Variants in HINT3 observed in about 807,000 individuals in gnomAD.
HINT3 encodes histidine triad nucleotide binding protein 3.
In HINT3, 16 loss-of-function variants were observed where a neutral mutation model predicts 19.1. The observed-to-expected ratio is 0.84, with a 90% confidence interval of 0.57 to 1.27. The LOEUF is 1.27. Among genes scored for constraint, HINT3 ranks in the 50% most tolerant of loss-of-function variants. The pLI is 0.00. For missense variants in HINT3, 197 were observed against 225.8 expected (o/e 0.87, Z 0.82); for synonymous variants, 75 against 84.8 (o/e 0.88, Z 0.63).
rs1037076969 is a variant in HINT3 at position 125,964,659 on chromosome 6, C to T, written c.202-2228C>T. ...ATTTGCCATAATTTATTAAACCAGT[C>T]GCCCAGCTGCATTATGAATGTTTGG... On this transcript the variant is annotated intron_variant, in intron 1 of 4. Transcript: ENST00000229633. 7.2e-5 allele frequency among the ~76,000 whole-genome samples: 11 copies of T among 152,038 alleles called. No individual in the cohort carries two copies. In the South Asian group the frequency reaches 8.3e-4, roughly 12 times the overall value.
At position 125,978,030 on chromosome 6, in the gene HINT3, G is replaced by T. The variant is rs1287238530; in HGVS notation, c.*354G>T. On this transcript the variant is annotated 3_prime_UTR_variant, in exon 5 of 5. Coordinates refer to ENST00000229633, the MANE Select transcript of HINT3 (RefSeq NM_138571.5). ...TCAGTTATAATAGTGATTTATTTAT[G>T]AAGAATAAACTACTATAGAAAGTAC... 4.2e-5 allele frequency: 7 copies of T among 166,526 alleles called. No homozygotes were observed. Among genetic ancestry groups the T allele is most frequent in the Non-Finnish European group, 9.0e-5 (7 of 78,082 alleles). The allele number at this position is 166,526 out of a possible 1,614,324, so 10.3% of individuals were successfully genotyped here.
At position 125,962,312 on chromosome 6, in the gene HINT3, C is replaced by CATAT. The variant is rs766700449; in HGVS notation, c.202-4560_202-4557dup. 4.6e-5 allele frequency among the ~76,000 whole-genome samples: 2 copies of CATAT among 43,886 alleles called. 1 individual carries two copies. The highest frequency in any genetic ancestry group is 7.7e-5 in the Non-Finnish European group (2 of 26,092). 28.8% of individuals were successfully genotyped at this position (43,886 alleles called of 152,430 possible). Reference sequence around the variant, plus strand: ...CACATATATATATATATATATCACACATATATATATATATATATCACACAC... The same window carrying CATAT: ...CACATATATATATATATATATCACACATATATATATATATATATATATCACACAC... On this transcript the variant is annotated intron_variant, in intron 1 of 4. Coordinates refer to ENST00000229633, the MANE Select transcript of HINT3 (RefSeq NM_138571.5).
At chr6:125,963,293 TAAAG>T (rs1788970824) in intron 1 of HINT3, among the ~76,000 whole-genome samples, 3 of 152,168 alleles carry the variant, frequency 2.0e-5, no homozygotes, top group Admixed American at 6.5e-5. Context: ...GGGAGAAAGA[TAAAG>T]AAAACCTGTC....
At chr6:125,960,274 A>C (rs1170008707) in intron 1 of HINT3, among the ~76,000 whole-genome samples, 2 of 152,188 alleles carry the variant, frequency 1.3e-5, no homozygotes, top group African/African-American at 4.8e-5. Flanking sequence ...GCAGCAGCCA[A>C]AGGCTGAGAT....
rs555903589 is a variant in HINT3 at position 125,971,275 on chromosome 6, C to G, written c.320-984C>G. Reference sequence around the variant, plus strand: ...GGCTGACTGGAAGGGATACCATATCCTTAATTTGGGCTCAAAGACAAATTC... The same window carrying G: ...GGCTGACTGGAAGGGATACCATATCGTTAATTTGGGCTCAAAGACAAATTC... On this transcript the variant is annotated intron_variant, in intron 2 of 4. Transcript: ENST00000229633. Among the ~76,000 whole-genome samples, 3 of 152,282 alleles carry G rather than the reference C, an allele frequency of 2.0e-5. No individual in the cohort carries two copies. In the South Asian group the frequency reaches 6.2e-4, roughly 32 times the overall value.
At chr6:125,958,980 A>G (rs1391236139) in intron 1 of HINT3, among the ~76,000 whole-genome samples, 1 of 152,160 alleles carries the variant, frequency 6.6e-6, no homozygotes, top group African/African-American at 2.4e-5. Flanking sequence ...GCTAGGGTAA[A>G]CTAGTAGTGG....
intron 2 of HINT3, among the ~76,000 whole-genome samples, chr6:125,971,116 G>A (rs1485501721): frequency 1.3e-5 from 2 of 152,142 alleles, no homozygotes; most frequent in Non-Finnish European, 2.9e-5. Context: ...GAAGATCCCA[G>A]GTGACCAAAA....
intron 3 of HINT3, among the ~76,000 whole-genome samples, chr6:125,973,520 C>G (rs1789139212): frequency 6.6e-6 from 1 of 152,122 alleles, no homozygotes; most frequent in Non-Finnish European, 1.5e-5. Context: ...AATTCTAATG[C>G]CATCCATGCT....
At chr6:125,962,828 T>G (rs1788962697) in intron 1 of HINT3, among the ~76,000 whole-genome samples, 1 of 152,064 alleles carries the variant, frequency 6.6e-6, no homozygotes, top group South Asian at 2.1e-4. Flanking sequence ...TTGGTGGTGG[T>G]GGGGCAATAT....
chr6:125,956,781 G>GCCGGTTTTGAGGCCGGCCT lies in HINT3; in HGVS notation c.-192_-174dup. 4 of 631,006 alleles carry GCCGGTTTTGAGGCCGGCCT rather than the reference G, an allele frequency of 6.3e-6. No individual in the cohort carries two copies. The highest frequency in any genetic ancestry group is 4.0e-5 in the South Asian group (2 of 50,370). The allele number at this position is 631,006 out of a possible 1,614,324, so 39.1% of individuals were successfully genotyped here. On this transcript the variant is annotated 5_prime_UTR_variant, in exon 1 of 5. Coordinates refer to ENST00000229633, the MANE Select transcript of HINT3 (RefSeq NM_138571.5). ...CGCCATTGCGCGCCCTCTAGTGGCAGCCGGTTTTGAGGCCGGCCTCCGGCT... is the reference window on the plus strand; with the variant it reads ...CGCCATTGCGCGCCCTCTAGTGGCAGCCGGTTTTGAGGCCGGCCTCCGGTTTTGAGGCCGGCCTCCGGCT...
rs967458841 is a variant in HINT3, at chr6:125,960,673, A to T, written c.201+3495A>T. Reference sequence around the variant, plus strand: ...CTCTCTCTGGGGGGGGGGAAAAAAAAAGAAGTTAGGGCAAGCAAGTGGCTG... The same window carrying T: ...CTCTCTCTGGGGGGGGGGAAAAAAATAGAAGTTAGGGCAAGCAAGTGGCTG... On this transcript the variant is annotated intron_variant, in intron 1 of 4. Coordinates refer to ENST00000229633, the MANE Select transcript of HINT3 (RefSeq NM_138571.5). Among the ~76,000 whole-genome samples the T allele has an allele frequency of 3.0e-5, 4 of 135,032 alleles. 1 individual carries two copies. Among genetic ancestry groups the T allele is most frequent in the Admixed American group, 2.4e-4 (3 of 12,672 alleles). 88.6% of individuals were successfully genotyped at this position (135,032 alleles called of 152,430 possible).
chr6:125,967,039 A>AT lies in HINT3; in HGVS notation c.319+39dup, dbSNP rs778183165. 3 of 1,309,232 alleles carry AT rather than the reference A, an allele frequency of 2.3e-6. No homozygotes were observed. The South Asian group carries it at 3.7e-5, about 16-fold the overall frequency. The allele number at this position is 1,309,232 out of a possible 1,614,324, so 81.1% of individuals were successfully genotyped here. On this transcript the variant is annotated intron_variant, in intron 2 of 4. Coordinates refer to ENST00000229633, the MANE Select transcript of HINT3 (RefSeq NM_138571.5). Reference sequence around the variant, plus strand: ...TGGCAGTATTCTTCATGTTTATATCATTTTCAGTTGGTATCAGTGATGGCA... The same window carrying AT: ...TGGCAGTATTCTTCATGTTTATATCATTTTTCAGTTGGTATCAGTGATGGCA...
intron 4 of HINT3, among the ~76,000 whole-genome samples, chr6:125,976,647 G>T (rs1789183230): frequency 6.9e-6 from 1 of 145,906 alleles, no homozygotes; most frequent in African/African-American, 2.5e-5. Context: ...GTAATGTTTT[G>T]ACTGTATTTT....
chr6:125,964,449 G>A (rs879535448), intron 1 of HINT3, among the ~76,000 whole-genome samples: 7 of 151,958 alleles, frequency 4.6e-5, no homozygotes, highest in African/African-American at 1.7e-4. Flanking sequence ...CTTCCATTGT[G>A]AGTAAATAGG....
At chr6:125,962,340 A>G (rs1318747776) in intron 1 of HINT3, among the ~76,000 whole-genome samples, 2 of 141,630 alleles carry the variant, frequency 1.4e-5, no homozygotes, top group Non-Finnish European at 3.0e-5. Flanking sequence ...TCACACACAC[A>G]TAACCGTATA....
rs1244389220 is a variant in HINT3, at chr6:125,979,585, C to T, written c.*1909C>T. On this transcript the variant is annotated 3_prime_UTR_variant, in exon 5 of 5. Coordinates refer to ENST00000229633, the MANE Select transcript of HINT3 (RefSeq NM_138571.5). ...TGGCCAATATGGTGAAACCCCGTCT[C>T]TTCTAAAAAAATACAAAAATTAGCC... The T allele has an allele frequency of 1.3e-5, 2 of 152,144 alleles. No homozygotes were observed. The highest frequency in any genetic ancestry group is 4.8e-5 in the African/African-American group (2 of 41,404). The allele number at this position is 152,144 out of a possible 1,614,324, so 9.4% of individuals were successfully genotyped here. A position where few individuals can be genotyped will look rare whatever the true frequency, so the allele number is the denominator to read the frequency against.
intron 1 of HINT3, among the ~76,000 whole-genome samples, chr6:125,965,364 G>A (rs760085749): frequency 6.6e-6 from 1 of 152,060 alleles, no homozygotes; most frequent in South Asian, 2.1e-4. Context: ...AATTAATGCC[G>A]TAATTGAGGG....
At position 125,962,214 on chromosome 6, in the gene HINT3, A is replaced by G. The variant is rs1583588213; in HGVS notation, c.202-4673A>G. On this transcript the variant is annotated intron_variant, in intron 1 of 4. Transcript: ENST00000229633. ...CATATATATATATATATATATACAC[A>G]TATATATATATATATATATACACAT... 1.6e-4 allele frequency among the ~76,000 whole-genome samples: 4 copies of G among 25,374 alleles called. 1 individual carries two copies. In the African/African-American group the frequency reaches 1.9e-3, roughly 12 times the overall value. 16.6% of individuals were successfully genotyped at this position (25,374 alleles called of 152,430 possible).
chr6:125,977,350 A>G (rs568637242), intron 4 of HINT3, among the ~76,000 whole-genome samples: 2 of 152,234 alleles, frequency 1.3e-5, no homozygotes, highest in East Asian at 1.9e-4. Context: ...TCACTTAGTA[A>G]TATGCATTTC....
Sources: gnomAD v4.1 joint callset for allele counts (sites outside exome capture counted in the v4.1 genomes callset) on GRCh38, gnomAD v4.1.1 for gene constraint, MANE v1.5 for transcripts, NCBI Gene and HGNC (gene_info 2026-07-23, HGNC 2026-07-21) for gene names.